Variants in MAP3K5 observed in about 807,000 individuals in gnomAD.
MAP3K5 encodes the protein mitogen-activated protein kinase kinase kinase 5.
MAP3K5 carries 56 observed loss-of-function variants against 158.7 expected under a neutral mutation model. The ratio of observed to expected loss-of-function variants is 0.35; its 90% CI spans 0.28 to 0.44. The LOEUF is 0.44. Ranked by LOEUF, MAP3K5 falls within the 20% of genes least tolerant of loss-of-function variation. The pLI is 1.00. For synonymous variants in MAP3K5, 579 were observed against 601.7 expected, an observed-to-expected ratio of 0.96 and a Z score of 0.55; for missense variants, 1,294 against 1,674.8, an observed-to-expected ratio of 0.77 and a Z score of 3.97.
intron 25 of MAP3K5, among the ~76,000 whole-genome samples, chr6:136,576,617 C>T (rs1199276708): frequency 1.3e-5 from 2 of 152,106 alleles, no homozygotes; most frequent in African/African-American, 4.8e-5. Context: ...ACAATCTTAT[C>T]TTTTATTTCC....
intron 23 of MAP3K5, among the ~76,000 whole-genome samples, chr6:136,586,062 C>T (rs1306040694): frequency 6.6e-6 from 1 of 152,118 alleles, no homozygotes; most frequent in African/African-American, 2.4e-5. Flanking sequence ...AGCTTGGTCT[C>T]ATGTTTATGT....
rs1383288221 is a variant in MAP3K5, at chr6:136,567,682, G to A, written c.3710C>T (p.Ala1237Val). The change falls in exon 26 of 30, where the codon GCT (alanine) becomes GTT (valine). Residue 1237 changes from alanine (A) to valine (V), a missense_variant. Around this residue, in one of 5 missense-constraint regions of MAP3K5, gnomAD observed 199 missense variants for 220.3 expected, o/e 0.90. Coordinates refer to ENST00000359015, the MANE Select transcript of MAP3K5 (RefSeq NM_005923.4). ...SSTVSHDSQS[A>V]HRSLNVQLGR... The stretch of plus-strand genomic sequence containing the variant: ...AAGCTGTACATTCAGTGACCGGTGA[G>A]CACTCTGGGAATCATGAGACACAGT... 6.2e-7 allele frequency: 1 copy of A among 1,614,122 alleles called. No individual in the cohort carries two copies.
chr6:136,754,294 C>G (rs538332204), intron 1 of MAP3K5, among the ~76,000 whole-genome samples: 11 of 151,558 alleles, frequency 7.3e-5, no homozygotes, highest in Non-Finnish European at 1.6e-4. Context: ...AAAGAAAATC[C>G]CAGGCTGGGT....
intron 3 of MAP3K5, among the ~76,000 whole-genome samples, chr6:136,699,583 C>T (rs959285536): frequency 1.3e-5 from 2 of 152,160 alleles, no homozygotes; most frequent in Admixed American, 6.5e-5. Context: ...CCTGGGCTCA[C>T]TGACCTTCTC....
At chr6:136,699,350 C>G (rs1583439585) in intron 3 of MAP3K5, among the ~76,000 whole-genome samples, 1 of 152,222 alleles carries the variant, frequency 6.6e-6, no homozygotes, top group Admixed American at 6.5e-5. Context: ...TCAGCTTTAA[C>G]TGGTCCCCCT....
At chr6:136,642,497 C>A in intron 12 of MAP3K5, 23 bp downstream of exon 12, 1 of 1,571,980 alleles carries the variant, frequency 6.4e-7, no homozygotes, top group Non-Finnish European at 8.8e-7. Context: ...TATAAGTTAA[C>A]AAAATGTACC....
chr6:136,673,542 A>G (rs1366648653), intron 7 of MAP3K5, among the ~76,000 whole-genome samples: 1 of 152,162 alleles, frequency 6.6e-6, no homozygotes, highest in African/African-American at 2.4e-5. Flanking sequence ...CAACTTCAAA[A>G]AAGAATCAGC....
chr6:136,651,907 T>C (rs1053320555), intron 10 of MAP3K5, among the ~76,000 whole-genome samples: 32 of 152,166 alleles, frequency 2.1e-4, no homozygotes, highest in African/African-American at 6.5e-4. Flanking sequence ...TCTACTTGTA[T>C]AGATGCTTAA....
chr6:136,746,761 AC>A, intron 1 of MAP3K5, among the ~76,000 whole-genome samples: 1 of 152,264 alleles, frequency 6.6e-6, no homozygotes, highest in African/African-American at 2.4e-5. Flanking sequence ...CCTCTTTCTG[AC>A]CCCTACTCTT....
Position 136,613,268 on chromosome 6 carries a change from G to A in MAP3K5, c.2279-12C>T, listed in dbSNP as rs1389680709. ...AGCAGAAAGACTTCCTGTAAAGTAG[G>A]GATAAATAGTAAATAAATCCTCATT... On this transcript the variant is annotated splice_polypyrimidine_tract_variant and intron_variant, in intron 16 of 29. Transcript: ENST00000359015. This position sits in a 1 kb window ranked among gnomAD's most constrained non-coding sequence, Gnocchi z 4.0. 3.1e-6 allele frequency: 5 copies of A among 1,604,666 alleles called. No individual in the cohort carries two copies. In the East Asian group the frequency reaches 1.1e-4, roughly 36 times the overall value.
At chr6:136,567,504 A>T in intron 26 of MAP3K5, 127 bp downstream of exon 26, 1 of 976,902 alleles carries the variant, frequency 1.0e-6, no homozygotes, top group Non-Finnish European at 1.5e-6. Context: ...CTCTTGTTTT[A>T]TAAAGAAAGG....
At chr6:136,663,486 C>A (rs1413589487) in intron 8 of MAP3K5, among the ~76,000 whole-genome samples, 1 of 151,892 alleles carries the variant, frequency 6.6e-6, no homozygotes, top group Non-Finnish European at 1.5e-5. Flanking sequence ...TATCTATCAT[C>A]TAGTCCTGAT....
In MAP3K5 at chr6:136,721,224, T is replaced by TAA. The variant is rs571915521; in HGVS notation, c.449-637_449-636dup. ...TAACTAAGGTTCCAAATAAGGAAAT[T>TAA]AAAAAAAAAAAAACAGATTCATTAA... On this transcript the variant is annotated intron_variant, in intron 1 of 29. Transcript: ENST00000359015. 4.6e-4 allele frequency among the ~76,000 whole-genome samples: 62 copies of TAA among 136,140 alleles called. 2 individuals carry two copies. Among genetic ancestry groups the TAA allele is most frequent in the African/African-American group, 1.5e-3 (57 of 37,944 alleles). 89.3% of individuals were successfully genotyped at this position (136,140 alleles called of 152,430 possible).
intron 24 of MAP3K5, 61 bp from the exon 25 acceptor site, chr6:136,580,467 G>T (rs1047083663): frequency 3.2e-5 from 32 of 997,410 alleles, no homozygotes; most frequent in Non-Finnish European, 4.6e-5. Flanking sequence ...CTAGATGATC[G>T]AAGCACTTGT....
intron 5 of MAP3K5, 83 bp downstream of exon 5, chr6:136,697,136 A>T: frequency 7.9e-7 from 1 of 1,267,114 alleles, no homozygotes; most frequent in African/African-American, 1.5e-5. Context: ...ACTGCTTACC[A>T]GCAAACTGAA....
At position 136,749,448 on chromosome 6, in the gene MAP3K5, C is replaced by T. The variant is rs117164370; in HGVS notation, c.449-28859G>A. On this transcript the variant is annotated intron_variant, in intron 1 of 29. Coordinates refer to ENST00000359015, the MANE Select transcript of MAP3K5 (RefSeq NM_005923.4). ...GTCGCCAGTGAAAATACAATGCCTCCGTGATACTCTGTTGGCCGGTTTTGC... is the reference window on the plus strand; with the variant it reads ...GTCGCCAGTGAAAATACAATGCCTCTGTGATACTCTGTTGGCCGGTTTTGC... Among the ~76,000 whole-genome samples the T allele has an allele frequency of 3.9e-5, 6 of 152,012 alleles. No homozygotes were observed. The East Asian group carries it at 9.7e-4, about 24-fold the overall frequency.
chr6:136,647,654 G>A (rs915327959), intron 11 of MAP3K5: 1 of 152,214 alleles, frequency 6.6e-6, no homozygotes, highest in Non-Finnish European at 1.5e-5. Context: ...TGTAGAATGA[G>A]TCAGACTCTG....
At chr6:136,639,969 A>C (rs561251320) in intron 12 of MAP3K5, among the ~76,000 whole-genome samples, 40 of 152,236 alleles carry the variant, frequency 2.6e-4, no homozygotes, top group Non-Finnish European at 8.8e-5. Flanking sequence ...AAGCATAAAT[A>C]CCAACTGGCT....
In MAP3K5 at chr6:136,567,897, T is replaced by C. The variant is rs751807654; in HGVS notation, c.3518-23A>G. On this transcript the variant is annotated intron_variant, in intron 25 of 29. Transcript: ENST00000359015. ...GTTCTGTTTGGCATAATATCAGTGGTAGTGTTTATAAAATATGACTCATTG... is the reference window on the plus strand; with the variant it reads ...GTTCTGTTTGGCATAATATCAGTGGCAGTGTTTATAAAATATGACTCATTG... 7 of 1,608,244 alleles carry C rather than the reference T, an allele frequency of 4.4e-6. No individual in the cohort carries two copies. The East Asian group carries it at 8.9e-5, about 20-fold the overall frequency.
Sources: allele counts gnomAD v4.1 joint callset (sites outside exome capture counted in the v4.1 genomes callset), GRCh38; gene constraint gnomAD v4.1.1; regional missense constraint gnomAD v4.1.1; non-coding constraint Gnocchi (gnomAD v3.1); transcripts MANE v1.5; gene names NCBI Gene and HGNC (gene_info 2026-07-23, HGNC 2026-07-21).